Variants in IL6ST observed in about 807,000 individuals in gnomAD.
The protein encoded by IL6ST is interleukin 6 cytokine family signal transducer.
In IL6ST, 24 loss-of-function variants were observed where a neutral mutation model predicts 91.3. That is an observed-to-expected ratio of 0.26 (90% CI 0.19 to 0.37). IL6ST has a LOEUF of 0.37. Ranked by LOEUF, IL6ST falls within the 10% of genes least tolerant of loss-of-function variation. The probability of loss-of-function intolerance (pLI) is 1.00; values close to 1 mark genes in which losing one functional copy is unlikely to be tolerated. For synonymous variants in IL6ST, 351 were observed against 373.6 expected (o/e 0.94, Z 0.70); for missense variants, 914 against 1,078.5 (o/e 0.85, Z 2.14).
chr5:55,986,004 T>C (rs994872425), intron 1 of IL6ST, among the ~76,000 whole-genome samples: 1 of 152,240 alleles, frequency 6.6e-6, no homozygotes, highest in Non-Finnish European at 1.5e-5. Flanking sequence ...TCAATTTGCT[T>C]ATTTATATGC....
chr5:55,943,380 T>G (rs1193965635), intron 15 of IL6ST, among the ~76,000 whole-genome samples: 1 of 152,090 alleles, frequency 6.6e-6, no homozygotes, highest in African/African-American at 2.4e-5. Context: ...CCCACAAAAC[T>G]CTGGGCAAAA....
rs1180790831 is a variant in IL6ST at position 55,937,810 on chromosome 5, C to T, written c.*3272G>A. ...TTTTATTCATCTCAACAAAATAAAA[C>T]TTTATTGAAACAAAAGTGTATGGTT... On this transcript the variant is annotated 3_prime_UTR_variant, in exon 17 of 17. Coordinates refer to ENST00000381298, the MANE Select transcript of IL6ST (RefSeq NM_002184.4). 1.0e-5 allele frequency: 2 copies of T among 193,612 alleles called. No individual in the cohort carries two copies. Among genetic ancestry groups the T allele is most frequent in the African/African-American group, 4.6e-5 (2 of 43,158 alleles). The allele number at this position is 193,612 out of a possible 1,614,324, so 12.0% of individuals were successfully genotyped here.
rs1750730040 is a variant in IL6ST at position 55,939,213 on chromosome 5, T to C, written c.*1869A>G. 4 of 214,720 alleles carry C rather than the reference T, an allele frequency of 1.9e-5. No individual in the cohort carries two copies. Among genetic ancestry groups the C allele is most frequent in the Admixed American group, 1.2e-4 (2 of 17,158 alleles). The allele number at this position is 214,720 out of a possible 1,614,324, so 13.3% of individuals were successfully genotyped here. A position where few individuals can be genotyped will look rare whatever the true frequency, so the allele number is the denominator to read the frequency against. Reference sequence around the variant, plus strand: ...AACTTAAAAGCTGGAGATGTCATTATCTTGTTGTGTAAATTTGGGTCTATC... The same window carrying C: ...AACTTAAAAGCTGGAGATGTCATTACCTTGTTGTGTAAATTTGGGTCTATC... On this transcript the variant is annotated 3_prime_UTR_variant, in exon 17 of 17. Coordinates refer to ENST00000381298, the MANE Select transcript of IL6ST (RefSeq NM_002184.4).
chr5:55,945,812 G>A lies in IL6ST; in HGVS notation c.1937+1681C>T, dbSNP rs148355720. 3.2e-4 allele frequency among the ~76,000 whole-genome samples: 48 copies of A among 151,684 alleles called. No individual in the cohort carries two copies. The East Asian group carries it at 7.8e-3, about 25-fold the overall frequency. On this transcript the variant is annotated intron_variant, in intron 15 of 16. Transcript: ENST00000381298. ...ATTACTGACGTGTGCCACCATGCCC[G>A]GCTAAGTTTTTGTATTTTTAGTAGA... is the stretch of plus-strand genomic sequence containing the variant.
rs865864000 is a variant in IL6ST at position 55,969,508 on chromosome 5, T to C, written c.370+42A>G. On this transcript the variant is annotated intron_variant, in intron 4 of 16. Coordinates refer to ENST00000381298, the MANE Select transcript of IL6ST (RefSeq NM_002184.4). ...GGACAACATTAAAAATGCAGTTCAATAGTCATGACAAAGTCTGAAATAAGA... is the reference window on the plus strand; with the variant it reads ...GGACAACATTAAAAATGCAGTTCAACAGTCATGACAAAGTCTGAAATAAGA... The C allele has an allele frequency of 7.6e-6, 10 of 1,307,528 alleles. No homozygotes were observed. The Middle Eastern group carries it at 5.5e-4, about 72-fold the overall frequency. The allele number at this position is 1,307,528 out of a possible 1,614,324, so 81.0% of individuals were successfully genotyped here.
intron 4 of IL6ST, 100 bp downstream of exon 4, chr5:55,969,450 G>A: frequency 1.3e-6 from 1 of 784,482 alleles, no homozygotes; most frequent in Admixed American, 2.9e-5. Context: ...AAGTCACTAA[G>A]TCCACAAGTT....
Position 55,952,322 on chromosome 5 carries a change from T to C in IL6ST, c.1480A>G (p.Ile494Val), listed in dbSNP as rs757246736. The change falls in exon 12 of 17, where the codon ATA becomes GTA. Residue 494 changes from isoleucine to valine, a missense_variant. Coordinates refer to ENST00000381298, the MANE Select transcript of IL6ST (RefSeq NM_002184.4). ...TCAGCATATACTGGAGTAACTGTTA[T>C]CAAATAGCATTTGCTCTCTGCTAAG... ...GNLAESKCYL[I>V]TVTPVYADGP... is the part of the protein sequence containing the mutation. 5.6e-6 allele frequency: 9 copies of C among 1,600,194 alleles called. No homozygotes were observed. The South Asian group carries it at 8.9e-5, about 16-fold the overall frequency.
chr5:55,988,722 C>T (rs1446508127), intron 1 of IL6ST, among the ~76,000 whole-genome samples: 2 of 149,536 alleles, frequency 1.3e-5, no homozygotes, highest in Admixed American at 6.7e-5. Context: ...GCCGGGATGT[C>T]GCCACTGCAC....
intron 8 of IL6ST, among the ~76,000 whole-genome samples, chr5:55,958,216 C>T (rs1015187944): frequency 2.0e-5 from 3 of 152,084 alleles, no homozygotes; most frequent in Non-Finnish European, 4.4e-5. Flanking sequence ...GGTGATCCTC[C>T]CACCTCAGCA....
intron 15 of IL6ST, among the ~76,000 whole-genome samples, chr5:55,945,016 G>A (rs941305517): frequency 2.2e-5 from 3 of 136,794 alleles, no homozygotes; most frequent in South Asian, 2.3e-4. Flanking sequence ...CACCTCTTCC[G>A]CTGTTTTAGC....
At chr5:55,948,391 C>T (rs2111648558) in intron 14 of IL6ST, among the ~76,000 whole-genome samples, 1 of 152,198 alleles carries the variant, frequency 6.6e-6, no homozygotes, top group East Asian at 1.9e-4. Context: ...CAGCCATATA[C>T]TATTCACTTA....
chr5:55,980,099 A>C (rs1477251179), intron 2 of IL6ST, among the ~76,000 whole-genome samples: 2 of 152,238 alleles, frequency 1.3e-5, no homozygotes, highest in East Asian at 3.8e-4. Context: ...ATATATGCAC[A>C]GTATCTCTAG....
At chr5:55,956,003 G>C in intron 10 of IL6ST, 22 bp downstream of exon 10, 3 of 1,547,164 alleles carry the variant, frequency 1.9e-6, no homozygotes, top group South Asian at 1.1e-5. Flanking sequence ...CAAGAGTCAG[G>C]CTCCATCTCA....
rs144612821 is a variant in IL6ST at position 55,985,090 on chromosome 5, G to A, written c.-103-2279C>T. On this transcript the variant is annotated intron_variant, in intron 1 of 16. Transcript: ENST00000381298. ...GGCCTTTATTAGAAAATGGATTTAC[G>A]CATTATTTTCTTGTATGCTTGTCTT... is the stretch of plus-strand genomic sequence containing the variant. Among the ~76,000 whole-genome samples, 61 of 152,208 alleles carry A rather than the reference G, an allele frequency of 4.0e-4. No individual in the cohort carries two copies. The East Asian group carries it at 7.5e-3, about 19-fold the overall frequency.
At chr5:55,979,862 C>T (rs559396394) in intron 2 of IL6ST, among the ~76,000 whole-genome samples, 1 of 152,140 alleles carries the variant, frequency 6.6e-6, no homozygotes, top group African/African-American at 2.4e-5. Flanking sequence ...CAGTAAAAGG[C>T]TGAAACAACC....
chr5:55,987,897 C>G (rs1754066452), intron 1 of IL6ST, among the ~76,000 whole-genome samples: 1 of 152,112 alleles, frequency 6.6e-6, no homozygotes, highest in African/African-American at 2.4e-5. Context: ...CTTTGGGAGG[C>G]CGAGGCAGGT....
At chr5:55,957,332 A>G in intron 8 of IL6ST, 41 bp from the exon 9 acceptor site, 1 of 1,039,118 alleles carries the variant, frequency 9.6e-7, no homozygotes, top group Non-Finnish European at 1.4e-6. Context: ...AAAAGGTTTT[A>G]ACAGTAAAAT....
chr5:55,978,559 C>T (rs1294748362), intron 2 of IL6ST: 1 of 152,294 alleles, frequency 6.6e-6, no homozygotes, highest in African/African-American at 2.4e-5. Flanking sequence ...AACCCTGTCC[C>T]TAATAAAAAT....
At chr5:55,965,001 C>A (rs911213335) in intron 5 of IL6ST, among the ~76,000 whole-genome samples, 1 of 152,074 alleles carries the variant, frequency 6.6e-6, no homozygotes, top group Non-Finnish European at 1.5e-5. Context: ...CTTTTCTGAA[C>A]AAGCCTTAAT....
Sources: allele counts gnomAD v4.1 joint callset (sites outside exome capture counted in the v4.1 genomes callset), GRCh38; gene constraint gnomAD v4.1.1; transcripts MANE v1.5; gene names NCBI Gene and HGNC (gene_info 2026-07-23, HGNC 2026-07-21).